The following SIL1 variants were observed in gnomAD, a reference collection of about 807,000 sequenced individuals.
The protein encoded by SIL1 is nucleotide exchange factor SIL1.
In SIL1, 40 loss-of-function variants were observed where a neutral mutation model predicts 49.1. The ratio of observed to expected loss-of-function variants is 0.81; its 90% confidence interval spans 0.63 to 1.06. SIL1 has a LOEUF of 1.06. Among genes scored for constraint, SIL1 ranks in the 50% least tolerant of loss-of-function variants. SIL1 has a pLI of 0.00. For synonymous variants in SIL1, 253 were observed against 250.8 expected, an observed-to-expected ratio of 1.01 and a Z score of -0.08; for missense variants, 500 against 572.6, an observed-to-expected ratio of 0.87 and a Z score of 1.29.
At chr5:139,116,960 C>A (rs1771003951) in intron 3 of SIL1, among the ~76,000 whole-genome samples, 1 of 152,204 alleles carries the variant, frequency 6.6e-6, no homozygotes, top group African/African-American at 2.4e-5. Flanking sequence ...AGATTCTAAG[C>A]AACCTGAGCA....
chr5:139,096,848 A>G (rs1238591285), intron 3 of SIL1, among the ~76,000 whole-genome samples: 1 of 151,924 alleles, frequency 6.6e-6, no homozygotes, highest in African/African-American at 2.4e-5. Context: ...CCTCTGAGAC[A>G]GCTCAGCCAC....
chr5:139,005,206 C>A (rs1285160660), intron 7 of SIL1, among the ~76,000 whole-genome samples: 1 of 151,648 alleles, frequency 6.6e-6, no homozygotes, highest in Non-Finnish European at 1.5e-5. Context: ...TTTGAAATAT[C>A]ATGTTTTACA....
At chr5:139,086,286 A>AAAAAAG (rs1554131611) in intron 3 of SIL1, among the ~76,000 whole-genome samples, 1 of 145,168 alleles carries the variant, frequency 6.9e-6, no homozygotes, top group Non-Finnish European at 1.5e-5. Flanking sequence ...AAAAAAAAAA[A>AAAAAAG]AAGAAGAAGA....
chr5:139,055,339 T>C (rs1163638965), intron 3 of SIL1, among the ~76,000 whole-genome samples: 6 of 152,106 alleles, frequency 3.9e-5, no homozygotes, highest in African/African-American at 1.4e-4. Flanking sequence ...GTTTTCTGGG[T>C]TGGGGGATAA....
chr5:139,197,176 G>C (rs1011036929), intron 1 of SIL1, among the ~76,000 whole-genome samples: 2 of 149,274 alleles, frequency 1.3e-5, no homozygotes, highest in Non-Finnish European at 3.0e-5. Flanking sequence ...GGTGAGGCAG[G>C]AGAATCGCTT....
At chr5:139,021,795 G>T in intron 6 of SIL1, 1 of 183,596 alleles carries the variant, frequency 5.4e-6, no homozygotes, top group Non-Finnish European at 1.1e-5. Context: ...GCTGGGGAGG[G>T]GGGAATAACA....
At chr5:138,977,481 T>C (rs969678993) in intron 7 of SIL1, among the ~76,000 whole-genome samples, 30 of 152,064 alleles carry the variant, frequency 2.0e-4, no homozygotes, top group African/African-American at 7.2e-4. Flanking sequence ...TTTTTCCTCC[T>C]TTTTTTCTTT....
At chr5:139,166,471 GAGCAATAT>G (rs1225792786) in intron 1 of SIL1, among the ~76,000 whole-genome samples, 1 of 152,150 alleles carries the variant, frequency 6.6e-6, no homozygotes, top group Non-Finnish European at 1.5e-5. Context: ...AGATCAGCCT[GAGCAATAT>G]AGCAAGATCC....
intron 1 of SIL1, among the ~76,000 whole-genome samples, chr5:139,189,925 T>C (rs1475242969): frequency 1.3e-5 from 2 of 152,222 alleles, no homozygotes. Flanking sequence ...TAGTCTTCCA[T>C]GAAACTAGTC....
At chr5:139,190,459 C>T (rs928835408) in intron 1 of SIL1, among the ~76,000 whole-genome samples, 1 of 152,192 alleles carries the variant, frequency 6.6e-6, no homozygotes, top group Non-Finnish European at 1.5e-5. Context: ...GACAGGGCCT[C>T]CTCCTTCCCA....
At chr5:139,103,471 T>C (rs1429506844) in intron 3 of SIL1, among the ~76,000 whole-genome samples, 2 of 152,252 alleles carry the variant, frequency 1.3e-5, no homozygotes, top group Non-Finnish European at 2.9e-5. Flanking sequence ...GGCGATACCT[T>C]GGAGAGAGAC....
intron 7 of SIL1, among the ~76,000 whole-genome samples, chr5:139,008,291 T>A (rs926546139): frequency 2.0e-3 from 299 of 150,920 alleles, no homozygotes; most frequent in African/African-American, 7.0e-3. Context: ...TGTATTTCTG[T>A]GGGATTGGTG....
chr5:138,995,401 C>T (rs769190202), intron 7 of SIL1, among the ~76,000 whole-genome samples: 2 of 151,996 alleles, frequency 1.3e-5, no homozygotes, highest in South Asian at 4.2e-4. Flanking sequence ...TGCACCACCA[C>T]GCCTGGCTAA....
intron 7 of SIL1, among the ~76,000 whole-genome samples, chr5:138,996,067 G>A (rs1767864146): frequency 6.6e-6 from 1 of 152,142 alleles, no homozygotes; most frequent in Non-Finnish European, 1.5e-5. Flanking sequence ...CAGAATTGCT[G>A]GATTATATGG....
chr5:138,995,209 A>C (rs1490442117), intron 7 of SIL1, among the ~76,000 whole-genome samples: 1 of 152,108 alleles, frequency 6.6e-6, no homozygotes, highest in Non-Finnish European at 1.5e-5. Context: ...TGTAAATATC[A>C]AATCAGTATA....
intron 1 of SIL1, among the ~76,000 whole-genome samples, chr5:139,134,333 A>G (rs1715427555): frequency 6.6e-6 from 1 of 152,024 alleles, no homozygotes; most frequent in Non-Finnish European, 1.5e-5. Context: ...ATGGGGTTTC[A>G]CCATGTTGCC....
chr5:139,080,215 T>C lies in SIL1; in HGVS notation c.245-29169A>G, dbSNP rs558938527. On this transcript the variant is annotated intron_variant, in intron 3 of 9. Transcript: ENST00000394817. ...TAATGAAAACAGTTAAATCATTAGG[T>C]TTTTTAATTAAGAAGTCAACATACG... Among the ~76,000 whole-genome samples the C allele has an allele frequency of 7.2e-5, 11 of 152,266 alleles. 1 individual carries two copies. The East Asian group carries it at 2.1e-3, about 29-fold the overall frequency.
intron 3 of SIL1, among the ~76,000 whole-genome samples, chr5:139,055,823 G>A (rs1448076682): frequency 2.7e-5 from 4 of 150,474 alleles, no homozygotes; most frequent in East Asian, 2.0e-4. Context: ...GGCACGCGCC[G>A]CCACGCCTGA....
intron 7 of SIL1, chr5:139,012,876 G>C (rs1173496162): frequency 6.6e-6 from 1 of 152,250 alleles, no homozygotes; most frequent in Non-Finnish European, 1.5e-5. Context: ...AGGAGGCTGA[G>C]GCAGGAGACT....
Sources: gnomAD v4.1 joint callset for allele counts (sites outside exome capture counted in the v4.1 genomes callset) on GRCh38, gnomAD v4.1.1 for gene constraint, MANE v1.5 for transcripts, NCBI Gene and HGNC (gene_info 2026-07-23, HGNC 2026-07-21) for gene names.